The following GRIP1 variants were observed in gnomAD, a reference collection of about 807,000 sequenced individuals.
GRIP1 encodes the protein glutamate receptor interacting protein 1.
In GRIP1, 45 loss-of-function variants were observed where a neutral mutation model predicts 129.9. The observed-to-expected ratio is 0.35, with a 90% CI of 0.27 to 0.44. GRIP1 has a LOEUF of 0.44. Among genes scored for constraint, GRIP1 ranks in the 20% least tolerant of loss-of-function variants. The probability of loss-of-function intolerance (pLI) is 1.00; values close to 1 mark genes in which losing one functional copy is unlikely to be tolerated. For missense variants in GRIP1, 1,196 were observed against 1,396.8 expected (o/e 0.86, Z 2.29); for synonymous variants, 530 against 520.8 (o/e 1.02, Z -0.24).
At chr12:66,559,586 C>T (rs1230544392) in intron 2 of GRIP1, among the ~76,000 whole-genome samples, 2 of 151,898 alleles carry the variant, frequency 1.3e-5, no homozygotes, top group Non-Finnish European at 2.9e-5. Context: ...ACAACAGCTA[C>T]AAATAAAATT....
chr12:66,582,125 C>T (rs1041148867), intron 2 of GRIP1, among the ~76,000 whole-genome samples: 1 of 151,886 alleles, frequency 6.6e-6, no homozygotes, highest in Non-Finnish European at 1.5e-5. Context: ...AAATGTAATC[C>T]AGCATATAAA....
At chr12:66,735,544 C>T (rs962780405) in intron 1 of GRIP1, among the ~76,000 whole-genome samples, 9 of 151,866 alleles carry the variant, frequency 5.9e-5, no homozygotes, top group African/African-American at 9.7e-5. Flanking sequence ...CATTCTAAGA[C>T]GGCTTTATGA....
Position 66,657,829 on chromosome 12 carries a change from C to T in GRIP1, c.55+21021G>A, listed in dbSNP as rs900542355. The stretch of plus-strand genomic sequence containing the variant: ...TAAGAGAAAAACAACAGACAAAGCA[C>T]GATGGCCGTAATGTCTCCAAGGCGA... On this transcript the variant is annotated intron_variant, in intron 1 of 24. Transcript: ENST00000359742. Among the ~76,000 whole-genome samples, 17 of 152,248 alleles carry T rather than the reference C, an allele frequency of 1.1e-4. No individual in the cohort carries two copies. The East Asian group carries it at 2.9e-3, about 26-fold the overall frequency.
intron 1 of GRIP1, among the ~76,000 whole-genome samples, chr12:66,631,049 C>T (rs1329927790): frequency 6.6e-6 from 1 of 152,098 alleles, no homozygotes; most frequent in Non-Finnish European, 1.5e-5. Context: ...GATTCTCCTG[C>T]CTCAGCCAAC....
intron 19 of GRIP1, 29 bp downstream of exon 19, chr12:66,392,279 G>A (rs1032463862): frequency 2.3e-6 from 3 of 1,325,940 alleles, no homozygotes; most frequent in Admixed American, 1.7e-5. Context: ...ACAATGACAA[G>A]TCCTCTGGGG....
chr12:67,068,113 G>A (rs977916915), intron 1 of GRIP1, among the ~76,000 whole-genome samples: 3 of 152,176 alleles, frequency 2.0e-5, no homozygotes, highest in African/African-American at 7.2e-5. Flanking sequence ...AGGAAATTCT[G>A]GTGCACTCAG....
intron 1 of GRIP1, among the ~76,000 whole-genome samples, chr12:66,800,308 A>G (rs1233409196): frequency 6.6e-6 from 1 of 152,150 alleles, no homozygotes; most frequent in Admixed American, 6.5e-5. Flanking sequence ...TAGGAGAGTC[A>G]GGAAGACCAA....
At chr12:66,771,871 C>T (rs2037829665) in intron 1 of GRIP1, among the ~76,000 whole-genome samples, 2 of 152,220 alleles carry the variant, frequency 1.3e-5, no homozygotes, top group South Asian at 4.1e-4. Context: ...TGGAGGCTCA[C>T]TGCAAGTGCC....
At chr12:66,599,683 T>C (rs1334407585) in intron 1 of GRIP1, among the ~76,000 whole-genome samples, 5 of 152,108 alleles carry the variant, frequency 3.3e-5, no homozygotes, top group Non-Finnish European at 5.9e-5. Context: ...TTTCAAACCC[T>C]TGAGCGTAAA....
chr12:66,603,062 G>A (rs1592631801), intron 1 of GRIP1, among the ~76,000 whole-genome samples: 2 of 150,756 alleles, frequency 1.3e-5, no homozygotes, highest in Admixed American at 1.3e-4. Flanking sequence ...GTCTCACTAT[G>A]TTGCCCAGGC....
intron 1 of GRIP1, among the ~76,000 whole-genome samples, chr12:66,731,347 T>C (rs2036430508): frequency 6.6e-6 from 1 of 152,194 alleles, no homozygotes; most frequent in South Asian, 2.1e-4. Flanking sequence ...TGTCATAAAA[T>C]GATTTTTGAC....
intron 1 of GRIP1, among the ~76,000 whole-genome samples, chr12:66,987,884 G>A (rs1389723757): frequency 2.0e-5 from 3 of 152,086 alleles, no homozygotes; most frequent in South Asian, 2.1e-4. Flanking sequence ...ACAAGAACAC[G>A]TGCAAAAGCC....
intron 1 of GRIP1, among the ~76,000 whole-genome samples, chr12:66,927,588 C>T (rs188360002): frequency 1.3e-5 from 2 of 152,252 alleles, no homozygotes; most frequent in East Asian, 1.9e-4. Context: ...AGGAAATTGC[C>T]ACTCCATAGA....
rs563395345 is a variant in GRIP1 at position 66,655,475 on chromosome 12, C to T, written c.55+23375G>A. On this transcript the variant is annotated intron_variant, in intron 1 of 24. Transcript: ENST00000359742. ...TGTTACAGCTGTATCTACATTGATG[C>T]CTCATTATCACCCAAAGTCCACAGT... 2.6e-5 allele frequency among the ~76,000 whole-genome samples: 4 copies of T among 152,144 alleles called. No homozygotes were observed. In the South Asian group the frequency reaches 8.3e-4, roughly 31 times the overall value.
intron 19 of GRIP1, among the ~76,000 whole-genome samples, chr12:66,391,353 T>C (rs914620912): frequency 4.6e-5 from 7 of 152,240 alleles, no homozygotes; most frequent in Non-Finnish European, 8.8e-5. Flanking sequence ...ACTTCTCTTG[T>C]TGATGCTACG....
At chr12:66,754,666 A>C (rs558844375) in intron 1 of GRIP1, among the ~76,000 whole-genome samples, 1 of 152,184 alleles carries the variant, frequency 6.6e-6, no homozygotes, top group Non-Finnish European at 1.5e-5. Context: ...AGCTGATACC[A>C]TTATTCCAGA....
chr12:67,001,935 T>C (rs1159664217), intron 1 of GRIP1, among the ~76,000 whole-genome samples: 1 of 152,086 alleles, frequency 6.6e-6, no homozygotes, highest in African/African-American at 2.4e-5. Flanking sequence ...CAGTCATTTA[T>C]ACATTGTTCC....
At chr12:66,688,357 TAATA>T (rs2034856323) in intron 1 of GRIP1, among the ~76,000 whole-genome samples, 1 of 152,178 alleles carries the variant, frequency 6.6e-6, no homozygotes, top group Non-Finnish European at 1.5e-5. Flanking sequence ...TCAAATTAGA[TAATA>T]AATAAGAAAG....
chr12:66,456,670 T>C (rs883231), intron 9 of GRIP1, among the ~76,000 whole-genome samples: 60,582 of 151,846 alleles, frequency 0.4, 13,134 homozygotes, highest in African/African-American at 0.55. Flanking sequence ...TTTTTTTAAC[T>C]TAAAAGTCAG....
Sources: allele counts gnomAD v4.1 joint callset (sites outside exome capture counted in the v4.1 genomes callset), GRCh38; gene constraint gnomAD v4.1.1; transcripts MANE v1.5; gene names NCBI Gene and HGNC (gene_info 2026-07-23, HGNC 2026-07-21).